Variants in ZNF385D observed in about 807,000 individuals in gnomAD.
ZNF385D encodes zinc finger protein 385D.
ZNF385D carries 15 observed loss-of-function variants against 35.8 expected under a neutral mutation model. The ratio of observed to expected loss-of-function variants is 0.42; its 90% CI spans 0.28 to 0.64. The LOEUF (loss-of-function observed/expected upper bound fraction) is 0.64, where lower values mean the gene tolerates loss of function less well. Ranked by LOEUF, ZNF385D falls within the 30% of genes least tolerant of loss-of-function variation. The pLI is 0.23. For missense variants in ZNF385D, 474 were observed against 494.6 expected, an observed-to-expected ratio of 0.96 and a Z score of 0.39; for synonymous variants, 212 against 186.8, an observed-to-expected ratio of 1.13 and a Z score of -1.10.
chr3:21,444,664 G>C (rs1216760895), intron 4 of ZNF385D, among the ~76,000 whole-genome samples: 1 of 152,108 alleles, frequency 6.6e-6, no homozygotes, highest in Non-Finnish European at 1.5e-5. Context: ...TGGGATTACA[G>C]GTGTGAGCCA....
intron 2 of ZNF385D, among the ~76,000 whole-genome samples, chr3:22,314,091 C>A (rs944992070): frequency 6.6e-6 from 1 of 152,096 alleles, no homozygotes; most frequent in Non-Finnish European, 1.5e-5. Context: ...CCCCTAAAGA[C>A]ACTTTACTTT....
intron 2 of ZNF385D, among the ~76,000 whole-genome samples, chr3:21,656,650 A>T (rs1333990249): frequency 6.6e-6 from 1 of 151,900 alleles, no homozygotes; most frequent in Admixed American, 6.6e-5. Context: ...GAGGGACACA[A>T]TTCAACCCAT....
At chr3:21,918,461 G>A (rs1481008057) in intron 3 of ZNF385D, among the ~76,000 whole-genome samples, 1 of 152,024 alleles carries the variant, frequency 6.6e-6, no homozygotes, top group African/African-American at 2.4e-5. Context: ...TTCTAAAATT[G>A]TCTTTCTTGA....
intron 3 of ZNF385D, among the ~76,000 whole-genome samples, chr3:21,990,898 A>G (rs1695111780): frequency 6.6e-6 from 1 of 152,216 alleles, no homozygotes; most frequent in Non-Finnish European, 1.5e-5. Context: ...AATAACTCAC[A>G]TTTAACAGGT....
chr3:21,736,903 C>T (rs376349816), intron 1 of ZNF385D, among the ~76,000 whole-genome samples: 3 of 152,100 alleles, frequency 2.0e-5, no homozygotes, highest in Non-Finnish European at 4.4e-5. Context: ...TGGCAATAAG[C>T]GTAAGGATTA....
Position 21,780,789 on chromosome 3 carries a change from T to G in ZNF385D, c.326-115761A>C, listed in dbSNP as rs1487556262. On this transcript the variant is annotated intron_variant, in intron 3 of 5. Transcript: ENST00000494108. ...CACCTGAGGAATACTTCTCCATCAG[T>G]TGATCAATAAGAATGTTCAGATACC... 4.6e-5 allele frequency among the ~76,000 whole-genome samples: 7 copies of G among 152,078 alleles called. No homozygotes were observed. In the East Asian group the frequency reaches 1.4e-3, roughly 29 times the overall value.
In ZNF385D at chr3:21,728,659, C is replaced by A. The variant is rs560759092; in HGVS notation, c.22+22236G>T. 3.0e-4 allele frequency among the ~76,000 whole-genome samples: 45 copies of A among 152,174 alleles called. No homozygotes were observed. In the East Asian group the frequency reaches 8.7e-3, roughly 29 times the overall value. On this transcript the variant is annotated intron_variant, in intron 1 of 7. Transcript: ENST00000281523. The stretch of plus-strand genomic sequence containing the variant: ...ATCAAAACAAGTTATGTATTTTTGC[C>A]ACTTTACAGGTGAGAAAGTGTGGTC...
intron 4 of ZNF385D, among the ~76,000 whole-genome samples, chr3:21,483,936 G>T (rs1704833154): frequency 6.6e-6 from 1 of 151,672 alleles, no homozygotes; most frequent in Admixed American, 6.6e-5. Context: ...TTCTCTTACG[G>T]ATCATGCTAT....
chr3:22,023,435 A>G (rs747200001), intron 3 of ZNF385D, among the ~76,000 whole-genome samples: 16 of 152,146 alleles, frequency 1.1e-4, no homozygotes, highest in Non-Finnish European at 1.8e-4. Context: ...ATAGACCACT[A>G]AAAAGGATCA....
chr3:22,070,838 A>G (rs1365627752), intron 3 of ZNF385D, among the ~76,000 whole-genome samples: 3 of 152,188 alleles, frequency 2.0e-5, no homozygotes, highest in Non-Finnish European at 4.4e-5. Context: ...ACAGCTTACA[A>G]TTTCAACTGG....
intron 4 of ZNF385D, among the ~76,000 whole-genome samples, chr3:21,488,455 C>A (rs1705185438): frequency 6.6e-6 from 1 of 151,982 alleles, no homozygotes; most frequent in Non-Finnish European, 1.5e-5. Context: ...TAATGTTGAA[C>A]TATCAGTTGA....
In ZNF385D at chr3:21,425,520, T is replaced by A; in HGVS notation, c.824A>T (p.His275Leu). 1 of 1,608,708 alleles carries A rather than the reference T, an allele frequency of 6.2e-7. No individual in the cohort carries two copies. The highest frequency in any genetic ancestry group is 1.7e-5 in the Admixed American group (1 of 59,298). Residue 275 changes from histidine (H) to leucine (L), a missense_variant, in exon 6 of 8, where the codon CAC becomes CTC. Transcript: ENST00000281523. ...KTFHCEICDV[H>L]VNSETQLKQH... ...TTTAAGTTGCGTTTCCGAGTTGACG[T>A]GCACATCACAGATTTCACAGTGAAA...
At chr3:22,319,760 G>C (rs889137216) in intron 2 of ZNF385D, among the ~76,000 whole-genome samples, 1 of 152,106 alleles carries the variant, frequency 6.6e-6, no homozygotes, top group Admixed American at 6.6e-5. Flanking sequence ...GAGGTCAAGA[G>C]ACCACAATAA....
At chr3:21,873,796 T>G (rs1267127730) in intron 3 of ZNF385D, among the ~76,000 whole-genome samples, 1 of 152,158 alleles carries the variant, frequency 6.6e-6, no homozygotes, top group Non-Finnish European at 1.5e-5. Flanking sequence ...ATCTATGATG[T>G]CACATATTAC....
intron 2 of ZNF385D, among the ~76,000 whole-genome samples, chr3:22,260,266 C>T (rs536523092): frequency 3.3e-4 from 50 of 152,088 alleles, no homozygotes; most frequent in African/African-American, 1.2e-3. Context: ...CATGTTCTCA[C>T]TCATAAGTGG....
chr3:21,457,286 T>A lies in ZNF385D; in HGVS notation c.440-20083A>T, dbSNP rs114169533. On this transcript the variant is annotated intron_variant, in intron 4 of 7. Transcript: ENST00000281523. ...TTTTCATCTCTTTAAAATTATTGCATCATTTCATTCAAGTGTGATATAACT... is the reference window on the plus strand; with the variant it reads ...TTTTCATCTCTTTAAAATTATTGCAACATTTCATTCAAGTGTGATATAACT... 5.7e-3 allele frequency among the ~76,000 whole-genome samples: 865 copies of A among 152,290 alleles called. 9 individuals carry two copies. The highest frequency in any genetic ancestry group is 0.024 in the South Asian group (117 of 4,830).
chr3:21,556,422 G>A (rs76221225), intron 3 of ZNF385D, among the ~76,000 whole-genome samples: 102,944 of 151,782 alleles, frequency 0.68, 35,687 homozygotes, highest in African/African-American at 0.83. Context: ...AAGGGATCCA[G>A]TTTCAGCTTT....
At chr3:22,263,508 T>G (rs1005365199) in intron 2 of ZNF385D, among the ~76,000 whole-genome samples, 1 of 152,074 alleles carries the variant, frequency 6.6e-6, no homozygotes, top group African/African-American at 2.4e-5. Flanking sequence ...GTATGTTTTA[T>G]GAATGGATGC....
At chr3:22,184,819 A>C (rs1307293361) in intron 2 of ZNF385D, among the ~76,000 whole-genome samples, 1 of 152,164 alleles carries the variant, frequency 6.6e-6, no homozygotes, top group Non-Finnish European at 1.5e-5. Context: ...AACAAAACGA[A>C]AAAGGACAAA....
Sources: gnomAD v4.1 joint callset for allele counts (sites outside exome capture counted in the v4.1 genomes callset) on GRCh38, gnomAD v4.1.1 for gene constraint, MANE v1.5 for transcripts, NCBI Gene and HGNC (gene_info 2026-07-23, HGNC 2026-07-21) for gene names.